The following PPP1R12A variants were observed in gnomAD, a reference collection of about 807,000 sequenced individuals.
PPP1R12A encodes myosin binding subunit.
In PPP1R12A, 19 loss-of-function variants were observed where a neutral mutation model predicts 139.6. The ratio of observed to expected loss-of-function variants is 0.14; its 90% CI spans 0.09 to 0.20. The LOEUF (loss-of-function observed/expected upper bound fraction) is 0.20. PPP1R12A is among the 10% of genes least tolerant of loss of function. The pLI, the probability that PPP1R12A is intolerant of heterozygous loss-of-function variation, is 1.00. For missense variants in PPP1R12A, 925 were observed against 1,211.5 expected, an observed-to-expected ratio of 0.76 and a Z score of 3.51; for synonymous variants, 427 against 420.6, an observed-to-expected ratio of 1.02 and a Z score of -0.19.
intron 15 of PPP1R12A, 73 bp downstream of exon 15, chr12:79,798,421 T>A (rs137889177): frequency 1.0e-6 from 1 of 956,072 alleles, no homozygotes; most frequent in East Asian, 2.7e-5. Context: ...GTAACTTGTT[T>A]TATGTCAGTG....
chr12:79,819,612 T>C (rs1437383549), intron 8 of PPP1R12A: 1 of 152,156 alleles, frequency 6.6e-6, no homozygotes, highest in African/African-American at 2.4e-5. Context: ...AGCTAAGTAA[T>C]GTCTCCCAGG....
intron 13 of PPP1R12A, 37 bp downstream of exon 13, chr12:79,806,129 A>G (rs776733800): frequency 1.4e-5 from 22 of 1,596,676 alleles, no homozygotes; most frequent in Non-Finnish European, 1.9e-5. Context: ...ACATAAGCAC[A>G]CAGTAGACCT....
Position 79,864,126 on chromosome 12 carries a change from C to G in PPP1R12A, c.368+8682G>C, listed in dbSNP as rs376293324. ...TCAGCAAATGTAAAAGAACAGAAATCACAACAAACTGTCTCTCAGACCACA... is the reference window on the plus strand; with the variant it reads ...TCAGCAAATGTAAAAGAACAGAAATGACAACAAACTGTCTCTCAGACCACA... On this transcript the variant is annotated intron_variant, in intron 2 of 24. Coordinates refer to ENST00000450142, the MANE Select transcript of PPP1R12A (RefSeq NM_002480.3). 5.3e-5 allele frequency among the ~76,000 whole-genome samples: 8 copies of G among 152,166 alleles called. No individual in the cohort carries two copies. The East Asian group carries it at 1.5e-3, about 29-fold the overall frequency.
At chr12:79,836,485 C>T (rs1222006943) in intron 3 of PPP1R12A, among the ~76,000 whole-genome samples, 1 of 152,050 alleles carries the variant, frequency 6.6e-6, no homozygotes, top group African/African-American at 2.4e-5. Context: ...TAATTTCATG[C>T]TATCTTTATC....
intron 23 of PPP1R12A, 179 bp from the exon 24 acceptor site, chr12:79,778,779 A>T (rs953940849): frequency 4.8e-6 from 2 of 413,080 alleles, no homozygotes; most frequent in Non-Finnish European, 8.7e-6. Context: ...AAATATGAAG[A>T]TCTTTATCCT....
At chr12:79,853,662 T>C (rs1035389137) in intron 2 of PPP1R12A, among the ~76,000 whole-genome samples, 3 of 152,344 alleles carry the variant, frequency 2.0e-5, no homozygotes, top group East Asian at 3.9e-4. Flanking sequence ...AGAATCTTTC[T>C]CTCAATTTTT....
chr12:79,912,138 C>T (rs1886621876), intron 1 of PPP1R12A, among the ~76,000 whole-genome samples: 1 of 152,296 alleles, frequency 6.6e-6, no homozygotes, highest in Admixed American at 6.5e-5. Context: ...ATCTATCTCT[C>T]CACCCTCGAC....
At chr12:79,832,553 A>T in intron 3 of PPP1R12A, 62 bp from the exon 4 acceptor site, 1 of 1,397,952 alleles carries the variant, frequency 7.2e-7, no homozygotes, top group East Asian at 2.4e-5. Flanking sequence ...TTGGGAAATA[A>T]AACTATCCAA....
Position 79,935,030 on chromosome 12 carries a change from G to A in PPP1R12A, c.-99C>T, listed in dbSNP as rs780574722. On this transcript the variant is annotated 5_prime_UTR_variant, in exon 1 of 25. Coordinates refer to ENST00000450142, the MANE Select transcript of PPP1R12A (RefSeq NM_002480.3). ...AGGGGGTGTGTGAATGTTTCTATGA[G>A]TGCGGGCCAGAGGAGGGCTGGGAAC... 6.9e-7 allele frequency: 1 copy of A among 1,452,332 alleles called. No individual in the cohort carries two copies. Among genetic ancestry groups the A allele is most frequent in the East Asian group, 2.6e-5 (1 of 39,110 alleles). The allele number at this position is 1,452,332 out of a possible 1,614,324, so 90.0% of individuals were successfully genotyped here.
chr12:79,930,820 A>C (rs527282635), intron 1 of PPP1R12A, among the ~76,000 whole-genome samples: 1 of 152,232 alleles, frequency 6.6e-6, no homozygotes, highest in Non-Finnish European at 1.5e-5. Context: ...CTAGGTTGCC[A>C]GTAAAAAGTG....
At chr12:79,843,917 C>A (rs1195007768) in intron 3 of PPP1R12A, among the ~76,000 whole-genome samples, 1 of 151,934 alleles carries the variant, frequency 6.6e-6, no homozygotes, top group African/African-American at 2.4e-5. Flanking sequence ...GTTGGTCAGG[C>A]TGGTCTCAAG....
At position 79,805,780 on chromosome 12, in the gene PPP1R12A, T is replaced by C; in HGVS notation, c.1824-12A>G. On this transcript the variant is annotated splice_polypyrimidine_tract_variant and intron_variant, in intron 13 of 24. Coordinates refer to ENST00000450142, the MANE Select transcript of PPP1R12A (RefSeq NM_002480.3). ...AACGATTTGAGGTACTATAGCATCA[T>C]AAGCAGCAACACAAAAAAGAGAAAA... is the stretch of plus-strand genomic sequence containing the variant. The C allele has an allele frequency of 6.2e-7, 1 of 1,601,210 alleles. No homozygotes were observed.
At chr12:79,902,204 A>G (rs1219514743) in intron 1 of PPP1R12A, among the ~76,000 whole-genome samples, 1 of 152,208 alleles carries the variant, frequency 6.6e-6, no homozygotes, top group African/African-American at 2.4e-5. Flanking sequence ...AGCAGATTTC[A>G]GTATCAAATC....
intron 2 of PPP1R12A, among the ~76,000 whole-genome samples, chr12:79,867,607 A>C (rs181358588): frequency 6.6e-6 from 1 of 152,316 alleles, no homozygotes; most frequent in East Asian, 1.9e-4. Context: ...ATAAGGAGAA[A>C]TAATAAAGAA....
chr12:79,849,935 T>C (rs374948000), intron 2 of PPP1R12A, among the ~76,000 whole-genome samples: 33 of 152,094 alleles, frequency 2.2e-4, no homozygotes, highest in African/African-American at 7.7e-4. Flanking sequence ...CCATCCTAAC[T>C]GCCTCGGCCT....
At chr12:79,863,882 T>C (rs1198550352) in intron 2 of PPP1R12A, among the ~76,000 whole-genome samples, 1 of 151,990 alleles carries the variant, frequency 6.6e-6, no homozygotes, top group Non-Finnish European at 1.5e-5. Flanking sequence ...TTCCACACAA[T>C]AATAGTGGGA....
intron 1 of PPP1R12A, among the ~76,000 whole-genome samples, chr12:79,916,606 T>G (rs531060821): frequency 3.4e-4 from 52 of 152,310 alleles, no homozygotes; most frequent in Admixed American, 9.8e-4. Context: ...CTTTCTGTAG[T>G]CCACTTGCAA....
chr12:79,867,185 T>C (rs1489259055), intron 2 of PPP1R12A, among the ~76,000 whole-genome samples: 1 of 152,136 alleles, frequency 6.6e-6, no homozygotes, highest in Non-Finnish European at 1.5e-5. Context: ...TGGATGAAGC[T>C]GGAAACTACC....
chr12:79,832,400 G>C lies in PPP1R12A; in HGVS notation c.579C>G (p.Val193=), dbSNP rs1877539582. 10 of 1,613,442 alleles carry C rather than the reference G, an allele frequency of 6.2e-6. No individual in the cohort carries two copies. Among genetic ancestry groups the C allele is most frequent in the Non-Finnish European group, 7.6e-6 (9 of 1,179,616 alleles). The part of the protein sequence containing the change: ...QWLNSGHIND[V]RHAKSGGTAL... The stretch of plus-strand genomic sequence containing the variant: ...CTGTACCTCCAGATTTTGCATGCCG[G>C]ACATCATTTATATGACCACTATTTA... The change falls in exon 4 of 25, where the codon GTC becomes GTG. Residue 193 remains valine (V), a synonymous_variant. Transcript: ENST00000450142.
Sources: gnomAD v4.1 joint callset for allele counts (sites outside exome capture counted in the v4.1 genomes callset) on GRCh38, gnomAD v4.1.1 for gene constraint, MANE v1.5 for transcripts, NCBI Gene and HGNC (gene_info 2026-07-23, HGNC 2026-07-21) for gene names.